Variants in SOAT1 observed in about 807,000 individuals in gnomAD.
SOAT1 encodes sterol O-acyltransferase 1.
In SOAT1, 55 loss-of-function variants were observed where a neutral mutation model predicts 69.5. The observed-to-expected ratio is 0.79, with a 90% CI of 0.64 to 0.99. The LOEUF (loss-of-function observed/expected upper bound fraction) is 0.99. Ranked by LOEUF, SOAT1 falls within the 50% of genes least tolerant of loss-of-function variation. The pLI is 0.00. For synonymous variants in SOAT1, 231 were observed against 224.7 expected (o/e 1.03, Z -0.25); for missense variants, 580 against 669.3 (o/e 0.87, Z 1.47).
At chr1:179,326,351 A>C (rs1191767760) in intron 3 of SOAT1, among the ~76,000 whole-genome samples, 4 of 151,968 alleles carry the variant, frequency 2.6e-5, no homozygotes, top group African/African-American at 9.7e-5. Context: ...TGTCCTCGCT[A>C]CTCTATATTC....
chr1:179,296,145 A>C (rs1382816863), intron 1 of SOAT1, among the ~76,000 whole-genome samples: 1 of 151,912 alleles, frequency 6.6e-6, no homozygotes, highest in Admixed American at 6.6e-5. Context: ...TTGTATTTTT[A>C]GTAGAGACAG....
intron 2 of SOAT1, among the ~76,000 whole-genome samples, chr1:179,318,905 A>G (rs1236304750): frequency 1.3e-5 from 2 of 152,160 alleles, no homozygotes; most frequent in African/African-American, 2.4e-5. Context: ...AATGCTGCCC[A>G]TGAATATTCA....
At chr1:179,324,557 G>A (rs949414978) in intron 3 of SOAT1, among the ~76,000 whole-genome samples, 1 of 152,066 alleles carries the variant, frequency 6.6e-6, no homozygotes, top group Non-Finnish European at 1.5e-5. Flanking sequence ...TGAAATTGTG[G>A]GTATAGACTC....
At chr1:179,345,204 C>A in intron 11 of SOAT1, 128 bp downstream of exon 11, 1 of 836,430 alleles carries the variant, frequency 1.2e-6, no homozygotes, top group Non-Finnish European at 1.9e-6. Flanking sequence ...CCCATCTTGA[C>A]CTCTTTTGCA....
Position 179,342,886 on chromosome 1 carries a change from A to G in SOAT1, c.884A>G (p.Asn295Ser). The change falls in exon 9 of 16, where the codon AAC becomes AGC. Residue 295 changes from asparagine to serine, a missense_variant. Transcript: ENST00000367619. ...KSSTVPIPTVNQYLYFLFAPT... is the reference protein window; with the variant it reads ...KSSTVPIPTVSQYLYFLFAPT... ...GGCACTGTTCCAATACCTACAGTCA[A>G]CCAGTATTTGTACTTCTTATTTGCT... 6.2e-7 allele frequency: 1 copy of G among 1,613,760 alleles called. No homozygotes were observed. Among genetic ancestry groups the G allele is most frequent in the Non-Finnish European group, 8.5e-7 (1 of 1,179,692 alleles).
chr1:179,328,775 G>A (rs945897386), intron 3 of SOAT1, among the ~76,000 whole-genome samples: 1 of 152,102 alleles, frequency 6.6e-6, no homozygotes, highest in Non-Finnish European at 1.5e-5. Context: ...CAGGCGCATT[G>A]GCTCATACCT....
chr1:179,310,435 C>G (rs1359542609), intron 2 of SOAT1, among the ~76,000 whole-genome samples: 1 of 152,126 alleles, frequency 6.6e-6, no homozygotes, highest in Non-Finnish European at 1.5e-5. Context: ...TATGAACATG[C>G]ACTAATCCAC....
chr1:179,353,399 T>A (rs1666814828), intron 15 of SOAT1, among the ~76,000 whole-genome samples, 186 bp from the exon 16 acceptor site: 1 of 150,624 alleles, frequency 6.6e-6, no homozygotes, highest in Non-Finnish European at 1.5e-5. Flanking sequence ...TGAATAAATC[T>A]GTGTTATAGA....
At position 179,355,452 on chromosome 1, in the gene SOAT1, G is replaced by A. The variant is rs1033993260; in HGVS notation, c.*1811G>A. On this transcript the variant is annotated 3_prime_UTR_variant, in exon 16 of 16. Transcript: ENST00000367619. ...GAAATACTATAAATATGACTCTTAT[G>A]AGAAGACTTTGTTGCTCTGTAGTGT... 3.3e-5 allele frequency: 5 copies of A among 152,148 alleles called. No individual in the cohort carries two copies. The highest frequency in any genetic ancestry group is 4.4e-5 in the Non-Finnish European group (3 of 68,024). The allele number at this position is 152,148 out of a possible 1,614,324, so 9.4% of individuals were successfully genotyped here. A position where few individuals can be genotyped will look rare whatever the true frequency, so the allele number is the denominator to read the frequency against.
At chr1:179,318,318 T>C (rs1037944655) in intron 2 of SOAT1, among the ~76,000 whole-genome samples, 1 of 152,148 alleles carries the variant, frequency 6.6e-6, no homozygotes, top group African/African-American at 2.4e-5. Flanking sequence ...TCTCTAAATC[T>C]GTGACAATAA....
chr1:179,348,764 G>A (rs1666617811), intron 12 of SOAT1, 80 bp from the exon 13 acceptor site: 1 of 3,310 alleles, frequency 3.0e-4, no homozygotes, highest in South Asian at 0.011. Context: ...GGTGGGATGT[G>A]TGTGTGTGTG....
At chr1:179,304,279 C>A (rs1238397212) in intron 2 of SOAT1, among the ~76,000 whole-genome samples, 2 of 148,928 alleles carry the variant, frequency 1.3e-5, no homozygotes, top group East Asian at 2.0e-4. Flanking sequence ...TTCTTTCTCT[C>A]CTTTTTTTTT....
intron 1 of SOAT1, among the ~76,000 whole-genome samples, chr1:179,300,944 A>T (rs573732628): frequency 6.6e-6 from 1 of 152,080 alleles, no homozygotes; most frequent in African/African-American, 2.4e-5. Flanking sequence ...AAAATACAAA[A>T]ATTAGCCACG....
At chr1:179,349,421 G>A (rs943486784) in intron 13 of SOAT1, among the ~76,000 whole-genome samples, 3 of 146,816 alleles carry the variant, frequency 2.0e-5, no homozygotes, top group Non-Finnish European at 3.0e-5. Context: ...TCCTCCTCCC[G>A]GGTTCAAGCG....
intron 2 of SOAT1, among the ~76,000 whole-genome samples, chr1:179,321,490 A>G (rs1160217186): frequency 6.6e-6 from 1 of 152,142 alleles, no homozygotes; most frequent in Non-Finnish European, 1.5e-5. Flanking sequence ...TATCTTTATC[A>G]TTCATGTTCA....
At chr1:179,348,231 G>T (rs1020650989) in intron 12 of SOAT1, among the ~76,000 whole-genome samples, 2 of 152,136 alleles carry the variant, frequency 1.3e-5, no homozygotes, top group Non-Finnish European at 2.9e-5. Flanking sequence ...CCTACCTAAA[G>T]CTCTCTTTGA....
chr1:179,348,270 C>G (rs2125001710), intron 12 of SOAT1, among the ~76,000 whole-genome samples: 1 of 152,272 alleles, frequency 6.6e-6, no homozygotes, highest in Non-Finnish European at 1.5e-5. Context: ...CCAAGTCTAC[C>G]ACCTTTTTTC....
intron 13 of SOAT1, among the ~76,000 whole-genome samples, chr1:179,349,151 C>G (rs1382393301): frequency 2.0e-5 from 3 of 152,082 alleles, no homozygotes; most frequent in African/African-American, 7.2e-5. Context: ...ACTAGTAGGT[C>G]TAATACTGTG....
chr1:179,299,565 T>C (rs1558034321), intron 1 of SOAT1, among the ~76,000 whole-genome samples: 2 of 151,954 alleles, frequency 1.3e-5, no homozygotes, highest in Non-Finnish European at 2.9e-5. Context: ...ATTTGGAAAA[T>C]AACAATAGTA....
Sources: allele counts gnomAD v4.1 joint callset (sites outside exome capture counted in the v4.1 genomes callset), GRCh38; gene constraint gnomAD v4.1.1; transcripts MANE v1.5; gene names NCBI Gene and HGNC (gene_info 2026-07-23, HGNC 2026-07-21).